Variants in TTBK2 observed in about 807,000 individuals in gnomAD.
TTBK2 encodes tau tubulin kinase 2.
In TTBK2, 28 loss-of-function variants were observed where a neutral mutation model predicts 110.8. The ratio of observed to expected loss-of-function variants is 0.25; its 90% CI spans 0.19 to 0.35. The LOEUF (loss-of-function observed/expected upper bound fraction) is 0.35. TTBK2 is among the 10% of genes least tolerant of loss of function. The pLI is 1.00. For missense variants in TTBK2, 1,369 were observed against 1,500.3 expected (o/e 0.91, Z 1.45); for synonymous variants, 532 against 527.3 (o/e 1.01, Z -0.12).
In TTBK2 at chr15:42,801,590, TG is replaced by T. The variant is rs776784321; in HGVS notation, c.823-6790del. On this transcript the variant is annotated intron_variant, in intron 9 of 14. Coordinates refer to ENST00000267890, the MANE Select transcript of TTBK2 (RefSeq NM_173500.4). ...CTAGTACATGCTCTCAGCCTCAGCC[TG>T]GCTGCGGTTGGCAATCTCCTCGTAC... 1.2e-5 allele frequency: 9 copies of T among 777,440 alleles called. No homozygotes were observed. The Admixed American group carries it at 1.5e-4, about 13-fold the overall frequency. The allele number at this position is 777,440 out of a possible 1,614,324, so 48.2% of individuals were successfully genotyped here.
intron 9 of TTBK2, among the ~76,000 whole-genome samples, chr15:42,800,635 C>T (rs1204861020): frequency 6.6e-6 from 1 of 151,980 alleles, no homozygotes; most frequent in Non-Finnish European, 1.5e-5. Flanking sequence ...GTTGGCTTGG[C>T]TGATTGAAAG....
At chr15:42,800,333 CT>C in intron 9 of TTBK2, 1 of 432,306 alleles carries the variant, frequency 2.3e-6, no homozygotes, top group Non-Finnish European at 4.5e-6. Context: ...CTAAAATACC[CT>C]TATTCTTTAT....
At chr15:42,819,964 A>G (rs868858799) in intron 6 of TTBK2, among the ~76,000 whole-genome samples, 1 of 152,190 alleles carries the variant, frequency 6.6e-6, no homozygotes, top group Non-Finnish European at 1.5e-5. Context: ...TCCACAGTTG[A>G]TTGGGCATCT....
At chr15:42,790,823 C>T (rs548116148) in intron 10 of TTBK2, among the ~76,000 whole-genome samples, 7 of 152,158 alleles carry the variant, frequency 4.6e-5, no homozygotes, top group South Asian at 4.2e-4. Context: ...CCTCAGCCTC[C>T]GGAGTAGCTG....
intron 13 of TTBK2, among the ~76,000 whole-genome samples, chr15:42,763,157 C>CATATATATATATATATATATACAT (rs1889133862): frequency 4.9e-5 from 1 of 20,464 alleles, no homozygotes; most frequent in Non-Finnish European, 7.8e-5. Flanking sequence ...TATATATATA[C>CATATATATATATATATATATACAT]ATATATATAT....
intron 4 of TTBK2, among the ~76,000 whole-genome samples, chr15:42,830,878 G>A (rs1176140547): frequency 3.3e-5 from 5 of 151,720 alleles, no homozygotes; most frequent in Non-Finnish European, 5.9e-5. Flanking sequence ...GGTGGTACGC[G>A]CCTGTAGTCC....
intron 6 of TTBK2, among the ~76,000 whole-genome samples, chr15:42,818,706 C>A (rs539739881): frequency 5.9e-4 from 90 of 152,040 alleles, no homozygotes; most frequent in Non-Finnish European, 1.0e-3. Context: ...GGCGACAGAA[C>A]GAGACTCCGT....
At position 42,840,346 on chromosome 15, in the gene TTBK2, T is replaced by G; in HGVS notation, c.291+14A>C. The G allele has an allele frequency of 6.2e-7, 1 of 1,611,468 alleles. No individual in the cohort carries two copies. Among genetic ancestry groups the G allele is most frequent in the Non-Finnish European group, 8.5e-7 (1 of 1,177,604 alleles). ...AACTGAAGAATTTAAAGATACGTTT[T>G]CAAGGTAACCTACCTGCAACTGCAT... On this transcript the variant is annotated intron_variant, in intron 4 of 14. Transcript: ENST00000267890.
At chr15:42,801,967 C>T (rs753437444) in intron 9 of TTBK2, 4 of 1,578,754 alleles carry the variant, frequency 2.5e-6, no homozygotes, top group East Asian at 4.5e-5. Context: ...CTCCAGCTGC[C>T]ACTTAAGGTT....
intron 4 of TTBK2, among the ~76,000 whole-genome samples, chr15:42,833,994 G>A (rs1269430461): frequency 6.6e-6 from 1 of 152,010 alleles, no homozygotes; most frequent in Non-Finnish European, 1.5e-5. Context: ...CTGGGCGACA[G>A]AGAGAGACTC....
chr15:42,853,245 A>C (rs930579242), intron 3 of TTBK2, among the ~76,000 whole-genome samples: 2 of 151,972 alleles, frequency 1.3e-5, no homozygotes, highest in African/African-American at 4.8e-5. Flanking sequence ...AATAAAATCC[A>C]GGACCAGTAT....
In TTBK2 at chr15:42,793,379, C is replaced by T. The variant is rs766809868; in HGVS notation, c.980+1265G>A. On this transcript the variant is annotated intron_variant, in intron 10 of 14. Coordinates refer to ENST00000267890, the MANE Select transcript of TTBK2 (RefSeq NM_173500.4). ...GATGATTCAACAAGTTCTAGTGATC[C>T]CATCTTTCAATATAAAAATCACAGC... is the stretch of plus-strand genomic sequence containing the variant. Among the ~76,000 whole-genome samples, 3 of 152,080 alleles carry T rather than the reference C, an allele frequency of 2.0e-5. No individual in the cohort carries two copies. The South Asian group carries it at 6.2e-4, about 32-fold the overall frequency.
intron 3 of TTBK2, among the ~76,000 whole-genome samples, chr15:42,870,007 T>C (rs1302717203): frequency 6.6e-6 from 1 of 151,948 alleles, no homozygotes; most frequent in Non-Finnish European, 1.5e-5. Flanking sequence ...ACCCCATCTC[T>C]ACTAAAAATA....
At chr15:42,916,814 A>T (rs2031105768) in intron 1 of TTBK2, among the ~76,000 whole-genome samples, 1 of 152,214 alleles carries the variant, frequency 6.6e-6, no homozygotes, top group African/African-American at 2.4e-5. Flanking sequence ...TGGAAACTGC[A>T]ACTCCATTTT....
At chr15:42,887,704 T>C (rs1440670710) in intron 1 of TTBK2, among the ~76,000 whole-genome samples, 1 of 152,112 alleles carries the variant, frequency 6.6e-6, no homozygotes, top group East Asian at 1.9e-4. Context: ...CCACAACCCA[T>C]TATTCTGTTC....
chr15:42,882,577 G>A (rs1179706005), intron 1 of TTBK2, among the ~76,000 whole-genome samples: 1 of 151,926 alleles, frequency 6.6e-6, no homozygotes, highest in Non-Finnish European at 1.5e-5. Context: ...TTGCGCCATT[G>A]CACTCCAGCC....
intron 2 of TTBK2, among the ~76,000 whole-genome samples, chr15:42,875,339 T>C (rs1021022453): frequency 6.6e-6 from 1 of 152,116 alleles, no homozygotes; most frequent in Non-Finnish European, 1.5e-5. Context: ...ACAAGAAGAA[T>C]AGAGGTAAGG....
intron 9 of TTBK2, among the ~76,000 whole-genome samples, chr15:42,806,119 G>T (rs931771535): frequency 2.6e-5 from 4 of 152,240 alleles, no homozygotes; most frequent in Non-Finnish European, 5.9e-5. Flanking sequence ...ACAAAAATTG[G>T]CTGGGCATGG....
chr15:42,804,030 A>AAAAG (rs1555426199), intron 9 of TTBK2, among the ~76,000 whole-genome samples: 533 of 126,746 alleles, frequency 4.2e-3, no homozygotes, highest in African/African-American at 6.3e-3. Flanking sequence ...AAAAAAAAAA[A>AAAAG]AGAGAGAGAT....
Sources: allele counts gnomAD v4.1 joint callset (sites outside exome capture counted in the v4.1 genomes callset), GRCh38; gene constraint gnomAD v4.1.1; transcripts MANE v1.5; gene names NCBI Gene and HGNC (gene_info 2026-07-23, HGNC 2026-07-21).